The following DCAF7 variants were observed in gnomAD, a reference collection of about 807,000 sequenced individuals.
DCAF7 encodes DDB1 and CUL4 associated factor 7, also known as DDB1- and CUL4-associated factor 7.
DCAF7 carries 4 observed loss-of-function variants against 41.2 expected under a neutral mutation model. The ratio of observed to expected loss-of-function variants is 0.10; its 90% CI spans 0.05 to 0.22. The LOEUF is 0.22. DCAF7 is among the 10% of genes least tolerant of loss of function. DCAF7 has a pLI of 1.00. For missense variants in DCAF7, 131 were observed against 443.2 expected (o/e 0.30, Z 6.32); for synonymous variants, 143 against 164.2 (o/e 0.87, Z 0.99).
At chr17:63,551,315 C>A (rs888523512) in intron 1 of DCAF7, among the ~76,000 whole-genome samples, 2 of 149,662 alleles carry the variant, frequency 1.3e-5, no homozygotes, top group Non-Finnish European at 3.0e-5. Context: ...CCACCCCCCC[C>A]GGGTACTCAT....
At chr17:63,585,137 C>T in intron 5 of DCAF7, 74 bp from the exon 6 acceptor site, 2 of 1,209,936 alleles carry the variant, frequency 1.7e-6, no homozygotes, top group Non-Finnish European at 2.4e-6. Context: ...AAGATTTTTG[C>T]ATGTGGATAG....
intron 1 of DCAF7, among the ~76,000 whole-genome samples, chr17:63,576,936 A>G (rs1455144194): frequency 6.6e-6 from 1 of 152,232 alleles, no homozygotes; most frequent in African/African-American, 2.4e-5. Flanking sequence ...TTATACTGCC[A>G]CATTGCACAT....
intron 1 of DCAF7, among the ~76,000 whole-genome samples, chr17:63,566,466 G>A (rs2147766073): frequency 6.6e-6 from 1 of 151,994 alleles, no homozygotes; most frequent in East Asian, 1.9e-4. Context: ...AGTAGTATTA[G>A]CAAAAGTAGA....
intron 1 of DCAF7, among the ~76,000 whole-genome samples, chr17:63,577,466 A>C (rs1477783075): frequency 6.6e-6 from 1 of 152,214 alleles, no homozygotes; most frequent in African/African-American, 2.4e-5. Flanking sequence ...TTAGTGTCCC[A>C]TTGAGCCAGA....
In DCAF7 at chr17:63,583,678, C is replaced by T; in HGVS notation, c.705C>T (p.Asn235=). Reference sequence around the variant, plus strand: ...TCTGCTGGAACAAGCAGGACCCTAACTACCTGGCCACCATGGCCATGGATG... The same window carrying T: ...TCTGCTGGAACAAGCAGGACCCTAATTACCTGGCCACCATGGCCATGGATG... ...LRLCWNKQDP[N]YLATMAMDGM... is the part of the protein sequence containing the mutation. Residue 235 remains asparagine, a synonymous_variant, in exon 5 of 7, where the codon AAC becomes AAT. Coordinates refer to ENST00000614556, the MANE Select transcript of DCAF7 (RefSeq NM_005828.5). 1 of 1,613,906 alleles carries T rather than the reference C, an allele frequency of 6.2e-7. No individual in the cohort carries two copies. The highest frequency in any genetic ancestry group is 8.5e-7 in the Non-Finnish European group (1 of 1,179,822).
intron 1 of DCAF7, among the ~76,000 whole-genome samples, chr17:63,554,049 T>G (rs2033285842): frequency 6.6e-6 from 1 of 152,002 alleles, no homozygotes; most frequent in Admixed American, 6.6e-5. Flanking sequence ...ACAAAAACAT[T>G]AAAAAATTAG....
intron 1 of DCAF7, among the ~76,000 whole-genome samples, chr17:63,560,602 G>T (rs1209033486): frequency 6.6e-6 from 1 of 152,170 alleles, no homozygotes; most frequent in African/African-American, 2.4e-5. Flanking sequence ...GGATACACAA[G>T]AAATTGATAA....
intron 1 of DCAF7, among the ~76,000 whole-genome samples, chr17:63,570,583 C>T (rs2033495935): frequency 6.6e-6 from 1 of 152,062 alleles, no homozygotes; most frequent in Non-Finnish European, 1.5e-5. Context: ...GGGAAACAGG[C>T]ATTTGCATAG....
chr17:63,551,891 C>CAAAAAAAAA lies in DCAF7; in HGVS notation c.138+1108_138+1116dup, dbSNP rs529811578. Among the ~76,000 whole-genome samples, 44 of 27,292 alleles carry CAAAAAAAAA rather than the reference C, an allele frequency of 1.6e-3. 13 individuals carry two copies. The highest frequency in any genetic ancestry group is 2.4e-3 in the Non-Finnish European group (30 of 12,472). The allele number at this position is 27,292 out of a possible 152,430, so 17.9% of individuals were successfully genotyped here. On this transcript the variant is annotated intron_variant, in intron 1 of 6. Coordinates refer to ENST00000614556, the MANE Select transcript of DCAF7 (RefSeq NM_005828.5). ...GTGAAACCCCGTCTCTACTAAAATA[C>CAAAAAAAAA]AAAAAAAAAAAAAAAAAAAAAAAAA...
At chr17:63,582,937 G>A (rs571393904) in intron 4 of DCAF7, among the ~76,000 whole-genome samples, 54 of 152,368 alleles carry the variant, frequency 3.5e-4, no homozygotes, top group African/African-American at 1.2e-3. Flanking sequence ...CCTAGGACAA[G>A]CGGGTGCTAC....
intron 1 of DCAF7, among the ~76,000 whole-genome samples, chr17:63,577,093 G>A (rs2033570710): frequency 6.6e-6 from 1 of 152,198 alleles, no homozygotes; most frequent in Non-Finnish European, 1.5e-5. Flanking sequence ...ATTATGGAGA[G>A]ACAAAACCAT....
chr17:63,564,338 G>T (rs2033418442), intron 1 of DCAF7, among the ~76,000 whole-genome samples: 1 of 152,190 alleles, frequency 6.6e-6, no homozygotes, highest in African/African-American at 2.4e-5. Context: ...GGATATAATG[G>T]TAAGGGGTTC....
chr17:63,591,399 T>A lies in DCAF7; in HGVS notation c.*2227T>A, dbSNP rs2033732146. 6.6e-6 allele frequency: 1 copy of A among 152,208 alleles called. No homozygotes were observed. The highest frequency in any genetic ancestry group is 2.4e-5 in the African/African-American group (1 of 41,428). The allele number at this position is 152,208 out of a possible 1,614,324, so 9.4% of individuals were successfully genotyped here. On this transcript the variant is annotated 3_prime_UTR_variant, in exon 7 of 7. Transcript: ENST00000614556. The stretch of plus-strand genomic sequence containing the variant: ...GAACATATTTGCATAAGATAGCTAT[T>A]TACTCTGGAAACCAACAACTTTTGA...
intron 6 of DCAF7, 24 bp from the exon 7 acceptor site, chr17:63,588,976 C>G (rs1487343425): frequency 8.2e-6 from 13 of 1,592,744 alleles, no homozygotes; most frequent in Admixed American, 3.4e-5. Flanking sequence ...TGTGACCTTG[C>G]TTGCTGGCTT....
intron 3 of DCAF7, 64 bp downstream of exon 3, chr17:63,579,512 A>G: frequency 8.3e-7 from 1 of 1,204,706 alleles, no homozygotes; most frequent in Non-Finnish European, 1.2e-6. Context: ...CTCAGATGTC[A>G]CACTGGGCCA....
intron 1 of DCAF7, among the ~76,000 whole-genome samples, chr17:63,575,425 C>T (rs561743500): frequency 1.8e-4 from 28 of 152,276 alleles, no homozygotes; most frequent in African/African-American, 6.0e-4. Flanking sequence ...GGCAGCCGGG[C>T]GTAGTGGTTC....
At chr17:63,563,128 C>T (rs939577659) in intron 1 of DCAF7, among the ~76,000 whole-genome samples, 6 of 152,062 alleles carry the variant, frequency 3.9e-5, no homozygotes, top group Non-Finnish European at 7.3e-5. Flanking sequence ...CCCTGCCTGG[C>T]GGAAAATATT....
intron 2 of DCAF7, 81 bp from the exon 3 acceptor site, chr17:63,579,256 A>G: frequency 2.1e-6 from 2 of 938,190 alleles, no homozygotes; most frequent in Non-Finnish European, 3.2e-6. Context: ...TTGCTAAGAT[A>G]TTTTCTAAAC....
At chr17:63,585,138 A>T in intron 5 of DCAF7, 73 bp from the exon 6 acceptor site, 1 of 1,220,286 alleles carries the variant, frequency 8.2e-7, no homozygotes, top group Non-Finnish European at 1.2e-6. Flanking sequence ...AGATTTTTGC[A>T]TGTGGATAGT....
Sources: gnomAD v4.1 joint callset for allele counts (sites outside exome capture counted in the v4.1 genomes callset) on GRCh38, gnomAD v4.1.1 for gene constraint, MANE v1.5 for transcripts, NCBI Gene and HGNC (gene_info 2026-07-23, HGNC 2026-07-21) for gene names.